PJA2: variants seen among roughly 807,000 people sequenced by gnomAD.
The protein encoded by PJA2 is praja ring finger ubiquitin ligase 2, also known as E3 ubiquitin-protein ligase Praja-2.
Under a neutral mutation model 69.3 loss-of-function variants are expected in PJA2, and 25 were observed. The observed-to-expected ratio is 0.36, with a 90% CI of 0.26 to 0.50. The LOEUF (loss-of-function observed/expected upper bound fraction) is 0.50. Ranked by LOEUF, PJA2 falls within the 20% of genes least tolerant of loss-of-function variation. The probability of loss-of-function intolerance (pLI) is 0.96; values close to 1 mark genes in which losing one functional copy is unlikely to be tolerated. For synonymous variants in PJA2, 308 were observed against 277.8 expected (o/e 1.11, Z -1.08); for missense variants, 809 against 830.2 (o/e 0.97, Z 0.31).
At chr5:109,406,639 C>T (rs901299053) in intron 1 of PJA2, among the ~76,000 whole-genome samples, 1 of 152,092 alleles carries the variant, frequency 6.6e-6, no homozygotes, top group Non-Finnish European at 1.5e-5. Flanking sequence ...ATCCATGTAT[C>T]ATACAACCCA....
At chr5:109,390,526 T>C (rs888519746) in intron 1 of PJA2, 6 of 152,042 alleles carry the variant, frequency 3.9e-5, no homozygotes, top group African/African-American at 1.4e-4. Flanking sequence ...ATATATAATG[T>C]CTGATAATCT....
intron 1 of PJA2, among the ~76,000 whole-genome samples, chr5:109,387,388 A>G (rs1747183064): frequency 1.3e-5 from 2 of 152,172 alleles, no homozygotes; most frequent in Non-Finnish European, 2.9e-5. Context: ...GACCATAGCT[A>G]GGGTCAAGAT....
At chr5:109,349,833 T>C (rs1359891238) in intron 7 of PJA2, among the ~76,000 whole-genome samples, 13 of 152,186 alleles carry the variant, frequency 8.5e-5, no homozygotes, top group Admixed American at 8.5e-4. Context: ...TCTACTTCTT[T>C]GTTCTAGTTT....
chr5:109,351,871 T>C (rs997541001), intron 7 of PJA2, among the ~76,000 whole-genome samples: 2 of 152,112 alleles, frequency 1.3e-5, no homozygotes, highest in African/African-American at 2.4e-5. Flanking sequence ...GTGTTAAATA[T>C]AAAAGAAATA....
chr5:109,369,427 G>A (rs909616346), intron 4 of PJA2, among the ~76,000 whole-genome samples: 5 of 152,134 alleles, frequency 3.3e-5, no homozygotes, highest in Admixed American at 6.5e-5. Context: ...CTAGATAGGG[G>A]CTTGTCATAT....
At chr5:109,349,227 A>C (rs1246521092) in intron 7 of PJA2, among the ~76,000 whole-genome samples, 10 of 152,208 alleles carry the variant, frequency 6.6e-5, no homozygotes, top group Admixed American at 6.5e-4. Flanking sequence ...TTATGGAATT[A>C]TTGCTCCACA....
At chr5:109,362,427 A>G (rs1328172811) in intron 6 of PJA2, among the ~76,000 whole-genome samples, 1 of 152,228 alleles carries the variant, frequency 6.6e-6, no homozygotes, top group Non-Finnish European at 1.5e-5. Flanking sequence ...GAGAAGGAAA[A>G]GGAAGAATAG....
At chr5:109,345,373 A>G (rs1273218950) in intron 7 of PJA2, among the ~76,000 whole-genome samples, 3 of 150,592 alleles carry the variant, frequency 2.0e-5, no homozygotes, top group Non-Finnish European at 3.0e-5. Flanking sequence ...AAAAAAAAGC[A>G]GGTCGTGGTA....
intron 4 of PJA2, among the ~76,000 whole-genome samples, chr5:109,372,923 A>AAAAAAAAAAAAAAAAAG (rs1272538036): frequency 5.1e-5 from 7 of 136,866 alleles, no homozygotes; most frequent in Non-Finnish European, 9.4e-5. Context: ...AAAAAAAAAA[A>AAAAAAAAAAAAAAAAAG]AAAGAAAGAA....
At chr5:109,365,771 A>G (rs886690328) in intron 5 of PJA2, among the ~76,000 whole-genome samples, 3 of 152,192 alleles carry the variant, frequency 2.0e-5, no homozygotes, top group Non-Finnish European at 4.4e-5. Context: ...AAAGTACAAT[A>G]GTGAAAAGAA....
rs774977480 is a variant in PJA2, at chr5:109,378,264, T to C, written c.1223A>G (p.Asp408Gly). 1.9e-6 allele frequency: 3 copies of C among 1,613,992 alleles called. No homozygotes were observed. In the Middle Eastern group the frequency reaches 4.9e-4, roughly 266 times the overall value. ...TCCACAGCCATTCCAAAAGGTGTTA[T>C]CCACCTCTTGCCTTCCTGCTGTGGC... is the stretch of plus-strand genomic sequence containing the variant. ...SGATAGRQEV[D>G]NTFWNGCGDY... Residue 408 changes from aspartate to glycine, a missense_variant, in exon 4 of 10, where the codon GAT becomes GGT. Around this residue, in one of 4 missense-constraint regions of PJA2, gnomAD observed 700 missense variants for 639.5 expected, o/e 1.09. Transcript: ENST00000361189.
In PJA2 at chr5:109,337,334, C is replaced by T; in HGVS notation, c.2024G>A (p.Arg675His). ...LQKSGTCPVC[R>H]RHFPPAVIEA... ...AATAACCGCAGGTGGGAAATGACGG[C>T]GGCACACAGGGCATGTTCCCGACTG... is the stretch of plus-strand genomic sequence containing the variant. The change falls in exon 10 of 10, where the codon CGC becomes CAC. Residue 675 changes from arginine to histidine, a missense_variant. By Grantham distance (29) the Arg-to-His change is conservative. Coordinates refer to ENST00000361189, the MANE Select transcript of PJA2 (RefSeq NM_014819.5). 6.2e-7 allele frequency: 1 copy of T among 1,611,232 alleles called. No homozygotes were observed. The highest frequency in any genetic ancestry group is 8.5e-7 in the Non-Finnish European group (1 of 1,178,998).
At chr5:109,353,933 T>A (rs1480149914) in intron 7 of PJA2, among the ~76,000 whole-genome samples, 1 of 121,364 alleles carries the variant, frequency 8.2e-6, no homozygotes, top group Non-Finnish European at 1.8e-5. Flanking sequence ...CTATGATATC[T>A]AGAGATATCT....
chr5:109,370,126 G>A (rs1762652861), intron 4 of PJA2, among the ~76,000 whole-genome samples: 1 of 146,574 alleles, frequency 6.8e-6, no homozygotes, highest in Admixed American at 6.8e-5. Flanking sequence ...AGTTTTTAAA[G>A]AATTAGTCCT....
At chr5:109,342,087 C>A in intron 9 of PJA2, among the ~76,000 whole-genome samples, 1 of 104,060 alleles carries the variant, frequency 9.6e-6, no homozygotes, top group African/African-American at 3.3e-5. Flanking sequence ...CCGCCCCGTC[C>A]GGGAGGGAGG....
intron 6 of PJA2, among the ~76,000 whole-genome samples, chr5:109,360,937 G>A (rs900468315): frequency 4.6e-5 from 7 of 152,232 alleles, no homozygotes; most frequent in South Asian, 2.1e-4. Context: ...AGACCAGCCC[G>A]GGCAACATGG....
rs561869911 is a variant in PJA2, at chr5:109,391,309, G to A, written c.-87-7789C>T. Reference sequence around the variant, plus strand: ...ATCTTCAATATCCCTTTCTGAAAATGTCTACTTATTCCATTTCCATGCCTC... The same window carrying A: ...ATCTTCAATATCCCTTTCTGAAAATATCTACTTATTCCATTTCCATGCCTC... On this transcript the variant is annotated intron_variant, in intron 1 of 9. Coordinates refer to ENST00000361189, the MANE Select transcript of PJA2 (RefSeq NM_014819.5). 2.0e-5 allele frequency among the ~76,000 whole-genome samples: 3 copies of A among 152,252 alleles called. No individual in the cohort carries two copies. In the South Asian group the frequency reaches 6.2e-4, roughly 32 times the overall value.
intron 9 of PJA2, among the ~76,000 whole-genome samples, chr5:109,339,705 T>C (rs544478725): frequency 4.6e-4 from 70 of 152,376 alleles, no homozygotes; most frequent in African/African-American, 1.6e-3. Context: ...AGTCATTTTC[T>C]ACTGAATTCT....
intron 1 of PJA2, among the ~76,000 whole-genome samples, chr5:109,390,193 A>G (rs1012516559): frequency 2.0e-5 from 3 of 152,044 alleles, no homozygotes; most frequent in Admixed American, 2.0e-4. Flanking sequence ...AATGTATTTA[A>G]AATCTCCAGC....
Sources: gnomAD v4.1 joint callset for allele counts (sites outside exome capture counted in the v4.1 genomes callset) on GRCh38, gnomAD v4.1.1 for gene constraint, gnomAD v4.1.1 regional missense constraint, MANE v1.5 for transcripts, NCBI Gene and HGNC (gene_info 2026-07-23, HGNC 2026-07-21) for gene names.